The following TGFB2 variants were observed in gnomAD, a reference collection of about 807,000 sequenced individuals.
The protein encoded by TGFB2 is transforming growth factor beta 2, also known as transforming growth factor beta-2 proprotein.
TGFB2 carries 13 observed loss-of-function variants against 42.7 expected under a neutral mutation model. The ratio of observed to expected loss-of-function variants is 0.30; its 90% CI spans 0.20 to 0.48. TGFB2 has a LOEUF of 0.48. TGFB2 is among the 20% of genes least tolerant of loss of function. The probability of loss-of-function intolerance (pLI) is 0.99; values close to 1 mark genes in which losing one functional copy is unlikely to be tolerated. For missense variants in TGFB2, 390 were observed against 517.5 expected (o/e 0.75, Z 2.39); for synonymous variants, 193 against 193.6 (o/e 1.00, Z 0.03).
intron 1 of TGFB2, among the ~76,000 whole-genome samples, chr1:218,365,211 A>G (rs1657347451): frequency 6.6e-6 from 1 of 152,136 alleles, no homozygotes; most frequent in South Asian, 2.1e-4. Flanking sequence ...AGATGCCACC[A>G]TACCACAGAG....
chr1:218,356,919 C>G (rs1464379365), intron 1 of TGFB2, among the ~76,000 whole-genome samples: 1 of 152,180 alleles, frequency 6.6e-6, no homozygotes, highest in African/African-American at 2.4e-5. Flanking sequence ...GTGTAGAAAT[C>G]TAAAAGAGGA....
chr1:218,411,984 A>G (rs998935737), intron 2 of TGFB2, among the ~76,000 whole-genome samples: 2 of 152,210 alleles, frequency 1.3e-5, no homozygotes, highest in East Asian at 1.9e-4. Context: ...TAGATCCCAT[A>G]TATCAATGGG....
chr1:218,363,560 C>A, intron 1 of TGFB2: 1 of 761,310 alleles, frequency 1.3e-6, no homozygotes, highest in South Asian at 2.0e-5. Context: ...ACAAAGGTGC[C>A]TAGAATTTTT....
At chr1:218,430,580 C>T (rs865889481) in intron 2 of TGFB2, among the ~76,000 whole-genome samples, 1 of 152,166 alleles carries the variant, frequency 6.6e-6, no homozygotes, top group African/African-American at 2.4e-5. Flanking sequence ...CCTGTATAAA[C>T]TTTTGAATGT....
chr1:218,404,628 C>A (rs538261249), intron 1 of TGFB2, among the ~76,000 whole-genome samples: 14 of 152,218 alleles, frequency 9.2e-5, no homozygotes, highest in Admixed American at 7.2e-4. Context: ...CTCATCATAA[C>A]TTGACTAGAG....
At chr1:218,421,388 T>A (rs912722611) in intron 2 of TGFB2, among the ~76,000 whole-genome samples, 10 of 146,862 alleles carry the variant, frequency 6.8e-5, no homozygotes, top group East Asian at 2.1e-4. Flanking sequence ...TTTTTTTTTT[T>A]ATCACTATAA....
intron 2 of TGFB2, among the ~76,000 whole-genome samples, chr1:218,428,541 G>A (rs1256843126): frequency 6.7e-6 from 1 of 150,362 alleles, no homozygotes; most frequent in Non-Finnish European, 1.5e-5. Flanking sequence ...TCCAATTTCA[G>A]CTTTCTACAT....
intron 2 of TGFB2, among the ~76,000 whole-genome samples, chr1:218,425,690 G>T (rs1204777663): frequency 6.6e-6 from 1 of 152,226 alleles, no homozygotes; most frequent in Admixed American, 6.5e-5. Context: ...TTAAGTCCAA[G>T]ATAATGGAGA....
At chr1:218,384,353 C>A (rs1262727155) in intron 1 of TGFB2, among the ~76,000 whole-genome samples, 1 of 152,196 alleles carries the variant, frequency 6.6e-6, no homozygotes, top group African/African-American at 2.4e-5. Flanking sequence ...CTTAGAAAAA[C>A]AAGCATGTTA....
intron 1 of TGFB2, among the ~76,000 whole-genome samples, chr1:218,367,852 A>G (rs1391599062): frequency 1.3e-5 from 2 of 152,120 alleles, no homozygotes; most frequent in Non-Finnish European, 2.9e-5. Flanking sequence ...TCACCAGGCT[A>G]GAAGGCAGTG....
At chr1:218,418,168 C>T (rs1430804058) in intron 2 of TGFB2, among the ~76,000 whole-genome samples, 2 of 152,240 alleles carry the variant, frequency 1.3e-5, no homozygotes, top group Non-Finnish European at 2.9e-5. Context: ...ACACTCAACA[C>T]TAGCCCATAA....
At chr1:218,417,762 C>A (rs926461842) in intron 2 of TGFB2, among the ~76,000 whole-genome samples, 1 of 152,218 alleles carries the variant, frequency 6.6e-6, no homozygotes, top group Admixed American at 6.5e-5. Context: ...TGGTGCCCTG[C>A]ATCCCAGCCA....
intron 2 of TGFB2, among the ~76,000 whole-genome samples, chr1:218,416,072 T>C (rs1659269136): frequency 1.3e-5 from 2 of 152,166 alleles, no homozygotes; most frequent in Admixed American, 1.3e-4. Context: ...GCCATTGTTT[T>C]ATCACTGTGT....
chr1:218,435,265 G>A (rs1659934818), intron 4 of TGFB2, among the ~76,000 whole-genome samples: 1 of 152,166 alleles, frequency 6.6e-6, no homozygotes, highest in African/African-American at 2.4e-5. Context: ...ACTCCCAGAG[G>A]TCTAGAGATT....
At chr1:218,422,513 G>A (rs999613262) in intron 2 of TGFB2, among the ~76,000 whole-genome samples, 2 of 152,096 alleles carry the variant, frequency 1.3e-5, no homozygotes, top group Admixed American at 1.3e-4. Flanking sequence ...GAGGCACCAC[G>A]CCTGGCCTTG....
intron 2 of TGFB2, among the ~76,000 whole-genome samples, chr1:218,426,574 T>C (rs1659631718): frequency 6.6e-6 from 1 of 152,208 alleles, no homozygotes; most frequent in South Asian, 2.1e-4. Context: ...TATATATCAG[T>C]AATGTAATGA....
intron 1 of TGFB2, among the ~76,000 whole-genome samples, chr1:218,349,280 A>C (rs528070430): frequency 2.5e-4 from 38 of 152,336 alleles, no homozygotes; most frequent in African/African-American, 9.1e-4. Context: ...TTTTATAGAA[A>C]ATAGGTTAAC....
At chr1:218,376,317 C>T (rs1657740210) in intron 1 of TGFB2, among the ~76,000 whole-genome samples, 1 of 152,210 alleles carries the variant, frequency 6.6e-6, no homozygotes, top group African/African-American at 2.4e-5. Flanking sequence ...GGCGGAACAT[C>T]AGCCACCTCA....
intron 4 of TGFB2, 24 bp downstream of exon 4, chr1:218,434,472 G>A (rs779966981): frequency 3.5e-6 from 5 of 1,432,038 alleles, no homozygotes; most frequent in Non-Finnish European, 4.9e-6. Context: ...GGTCATATGA[G>A]GTGGGGGAGG....
Sources: allele counts gnomAD v4.1 joint callset (sites outside exome capture counted in the v4.1 genomes callset), GRCh38; gene constraint gnomAD v4.1.1; transcripts MANE v1.5; gene names NCBI Gene and HGNC (gene_info 2026-07-23, HGNC 2026-07-21).